The following CNTNAP5 variants were observed in gnomAD, a reference collection of about 807,000 sequenced individuals.
The protein encoded by CNTNAP5 is contactin associated protein family member 5.
In CNTNAP5, 72 loss-of-function variants were observed where a neutral mutation model predicts 150.2. The observed-to-expected ratio is 0.48, with a 90% CI of 0.40 to 0.58. The LOEUF is 0.58. Ranked by LOEUF, CNTNAP5 falls within the 20% of genes least tolerant of loss-of-function variation. The pLI is 0.00. For synonymous variants in CNTNAP5, 672 were observed against 619.8 expected (o/e 1.08, Z -1.25); for missense variants, 1,636 against 1,626.2 (o/e 1.01, Z -0.10).
At chr2:124,778,831 G>C (rs1485313121) in intron 17 of CNTNAP5, among the ~76,000 whole-genome samples, 1 of 149,326 alleles carries the variant, frequency 6.7e-6, no homozygotes, top group East Asian at 1.9e-4. Flanking sequence ...GTAACAAATA[G>C]AGACAAGTTA....
At chr2:124,388,943 A>G (rs1691035928) in intron 3 of CNTNAP5, among the ~76,000 whole-genome samples, 1 of 152,138 alleles carries the variant, frequency 6.6e-6, no homozygotes, top group South Asian at 2.1e-4. Context: ...GCCTCACAGA[A>G]TCCTGGACAC....
At chr2:124,098,007 G>A (rs1573751663) in intron 1 of CNTNAP5, among the ~76,000 whole-genome samples, 1 of 151,944 alleles carries the variant, frequency 6.6e-6, no homozygotes. Context: ...CAGCCTGGGC[G>A]ACAGAGCGAG....
intron 17 of CNTNAP5, among the ~76,000 whole-genome samples, chr2:124,777,277 A>C (rs2104616339): frequency 6.6e-6 from 1 of 152,284 alleles, no homozygotes; most frequent in South Asian, 2.1e-4. Context: ...AAAGTGAGTG[A>C]TTAAATCATC....
chr2:124,120,085 C>T (rs1432342015), intron 1 of CNTNAP5, among the ~76,000 whole-genome samples: 2 of 152,086 alleles, frequency 1.3e-5, no homozygotes, highest in African/African-American at 2.4e-5. Context: ...GTTTGAGGAC[C>T]ACTGTTCTGG....
intron 5 of CNTNAP5, 52 bp downstream of exon 5, chr2:124,434,739 C>T: frequency 6.8e-7 from 1 of 1,462,148 alleles, no homozygotes; most frequent in Non-Finnish European, 9.4e-7. Context: ...CTCCTTTACT[C>T]CACAGCTCAC....
At chr2:124,341,946 G>A (rs1689629166) in intron 3 of CNTNAP5, among the ~76,000 whole-genome samples, 1 of 152,142 alleles carries the variant, frequency 6.6e-6, no homozygotes, top group East Asian at 1.9e-4. Context: ...AGAAAATTGG[G>A]AGAAAATTGG....
intron 3 of CNTNAP5, among the ~76,000 whole-genome samples, chr2:124,387,350 T>C (rs1295298144): frequency 6.6e-6 from 1 of 152,250 alleles, no homozygotes; most frequent in Non-Finnish European, 1.5e-5. Context: ...GCTTATACTC[T>C]GAGATCAAAG....
At position 124,897,951 on chromosome 2, in the gene CNTNAP5, G is replaced by A. The variant is rs1005058204; in HGVS notation, c.3437-4931G>A. 2.9e-4 allele frequency among the ~76,000 whole-genome samples: 43 copies of A among 150,100 alleles called. 3 individuals are homozygous for A. Among genetic ancestry groups the A allele is most frequent in the African/African-American group, 9.7e-4 (39 of 40,118 alleles). On this transcript the variant is annotated intron_variant, in intron 21 of 23. Coordinates refer to ENST00000682447, the MANE Select transcript of CNTNAP5 (RefSeq NM_001367498.1). Reference sequence around the variant, plus strand: ...GCAAATGCCAAGTGTGTGTGTGTGTGTGTGTGTGTGTGTGTGTGTGTGTGT... The same window carrying A: ...GCAAATGCCAAGTGTGTGTGTGTGTATGTGTGTGTGTGTGTGTGTGTGTGT...
At chr2:124,609,778 C>A in intron 11 of CNTNAP5, 23 bp from the exon 12 acceptor site, 1 of 1,610,888 alleles carries the variant, frequency 6.2e-7, no homozygotes, top group East Asian at 2.2e-5. Context: ...AAAGTTTTAT[C>A]TCTGCTGCCT....
At chr2:124,734,539 T>C (rs10191202) in intron 13 of CNTNAP5, among the ~76,000 whole-genome samples, 1,824 of 152,012 alleles carry the variant, frequency 0.012, 27 homozygotes, top group African/African-American at 0.041. Context: ...TTTGGGACTC[T>C]TGTAGCAAAT....
At chr2:124,775,612 C>A (rs975457061) in intron 17 of CNTNAP5, among the ~76,000 whole-genome samples, 5 of 152,126 alleles carry the variant, frequency 3.3e-5, no homozygotes, top group African/African-American at 9.7e-5. Context: ...CTGCCCCTGT[C>A]ATTGGAATGT....
intron 3 of CNTNAP5, among the ~76,000 whole-genome samples, chr2:124,409,921 A>G (rs1405226989): frequency 6.6e-6 from 1 of 150,788 alleles, no homozygotes; most frequent in Non-Finnish European, 1.5e-5. Context: ...CAATTAAAAG[A>G]CACAGACTGG....
intron 3 of CNTNAP5, among the ~76,000 whole-genome samples, chr2:124,337,207 G>T (rs867476820): frequency 3.3e-5 from 5 of 151,988 alleles, no homozygotes; most frequent in Non-Finnish European, 7.4e-5. Context: ...TCGCCCACTT[G>T]TTGATGGGGT....
At chr2:124,438,843 A>G (rs1558902477) in intron 5 of CNTNAP5, among the ~76,000 whole-genome samples, 1 of 152,178 alleles carries the variant, frequency 6.6e-6, no homozygotes, top group Non-Finnish European at 1.5e-5. Flanking sequence ...TTTAAAATAC[A>G]TATTTTATTT....
intron 3 of CNTNAP5, among the ~76,000 whole-genome samples, chr2:124,395,872 A>C (rs1156382930): frequency 2.6e-5 from 4 of 152,182 alleles, no homozygotes; most frequent in Non-Finnish European, 5.9e-5. Flanking sequence ...AAATGCTAGA[A>C]CAGAAAAGCT....
chr2:124,384,183 C>G (rs1452635819), intron 3 of CNTNAP5, among the ~76,000 whole-genome samples: 1 of 152,110 alleles, frequency 6.6e-6, no homozygotes, highest in Non-Finnish European at 1.5e-5. Flanking sequence ...AAAGAGGTCT[C>G]TCTTGTGACA....
In CNTNAP5 at chr2:124,204,707, CT is replaced by C. The variant is rs1005403757; in HGVS notation, c.83-16995del. On this transcript the variant is annotated intron_variant, in intron 1 of 23. Coordinates refer to ENST00000682447, the MANE Select transcript of CNTNAP5 (RefSeq NM_001367498.1). Reference sequence around the variant, plus strand: ...AGAGAGCATGTGCAGGGGAATTGCCCTTTATAAAACCATCAAATCTCATGAG... The same window carrying C: ...AGAGAGCATGTGCAGGGGAATTGCCCTTATAAAACCATCAAATCTCATGAG... Among the ~76,000 whole-genome samples, 263 of 152,232 alleles carry C rather than the reference CT, an allele frequency of 1.7e-3. 1 individual carries two copies. The highest frequency in any genetic ancestry group is 6.2e-3 in the African/African-American group (256 of 41,534).
At chr2:124,666,439 A>C (rs1306219644) in intron 13 of CNTNAP5, among the ~76,000 whole-genome samples, 1 of 152,144 alleles carries the variant, frequency 6.6e-6, no homozygotes, top group African/African-American at 2.4e-5. Flanking sequence ...CTTATTTATT[A>C]GTATCTTATT....
At chr2:124,360,979 C>T (rs1690181076) in intron 3 of CNTNAP5, among the ~76,000 whole-genome samples, 2 of 136,664 alleles carry the variant, frequency 1.5e-5, no homozygotes, top group African/African-American at 5.6e-5. Context: ...TTCACATAGT[C>T]CCATATTTCT....
Sources: allele counts gnomAD v4.1 joint callset (sites outside exome capture counted in the v4.1 genomes callset), GRCh38; gene constraint gnomAD v4.1.1; transcripts MANE v1.5; gene names NCBI Gene and HGNC (gene_info 2026-07-23, HGNC 2026-07-21).